Variants in AGFG1 observed in about 807,000 individuals in gnomAD.
AGFG1 encodes the protein arf-GAP domain and FG repeat-containing protein 1.
In AGFG1, 10 loss-of-function variants were observed where a neutral mutation model predicts 60.6. The ratio of observed to expected loss-of-function variants is 0.16; its 90% CI spans 0.10 to 0.28. The LOEUF (loss-of-function observed/expected upper bound fraction) is 0.28. AGFG1 is among the 10% of genes least tolerant of loss of function. The probability of loss-of-function intolerance (pLI) is 1.00; values close to 1 mark genes in which losing one functional copy is unlikely to be tolerated. For synonymous variants in AGFG1, 247 were observed against 242.9 expected (o/e 1.02, Z -0.16); for missense variants, 537 against 676.5 (o/e 0.79, Z 2.29).
chr2:227,525,039 C>G (rs1341160756), intron 5 of AGFG1, 124 bp downstream of exon 5: 5 of 1,071,972 alleles, frequency 4.7e-6, no homozygotes, highest in Non-Finnish European at 6.8e-6. Flanking sequence ...TCACTTGTAA[C>G]TGTTGAGCTG....
intron 3 of AGFG1, among the ~76,000 whole-genome samples, chr2:227,522,010 C>G (rs558431746): frequency 2.0e-5 from 3 of 152,246 alleles, no homozygotes; most frequent in Middle Eastern, 6.8e-3. Flanking sequence ...AGCTAGCAAG[C>G]AGTGAAATTG....
At chr2:227,530,319 A>G (rs1245124747) in intron 5 of AGFG1, among the ~76,000 whole-genome samples, 1 of 152,172 alleles carries the variant, frequency 6.6e-6, no homozygotes, top group Non-Finnish European at 1.5e-5. Flanking sequence ...GTGTTTTCCA[A>G]AGTTTCATTC....
At chr2:227,487,788 A>G (rs1316194430) in intron 1 of AGFG1, among the ~76,000 whole-genome samples, 1 of 152,022 alleles carries the variant, frequency 6.6e-6, no homozygotes, top group Non-Finnish European at 1.5e-5. Flanking sequence ...TTTCATTGCA[A>G]CTCATCACTC....
At chr2:227,493,247 G>A (rs1690870914) in intron 2 of AGFG1, among the ~76,000 whole-genome samples, 1 of 152,092 alleles carries the variant, frequency 6.6e-6, no homozygotes, top group Non-Finnish European at 1.5e-5. Flanking sequence ...ACATAGTGCT[G>A]TATAGCAGAT....
At chr2:227,507,902 A>G (rs1413648743) in intron 2 of AGFG1, among the ~76,000 whole-genome samples, 2 of 151,796 alleles carry the variant, frequency 1.3e-5, no homozygotes, top group Admixed American at 6.6e-5. Context: ...CTGATGCCCA[A>G]ATTTTCCCCT....
In AGFG1 at chr2:227,472,416, G is replaced by C; in HGVS notation, c.-6G>C. 5 of 1,479,812 alleles carry C rather than the reference G, an allele frequency of 3.4e-6. No homozygotes were observed. Among genetic ancestry groups the C allele is most frequent in the Non-Finnish European group, 4.5e-6 (5 of 1,109,808 alleles). 91.7% of individuals were successfully genotyped at this position (1,479,812 alleles called of 1,614,324 possible). A position where few individuals can be genotyped will look rare whatever the true frequency, so the allele number is the denominator to read the frequency against. On this transcript the variant is annotated 5_prime_UTR_variant, in exon 1 of 13. Coordinates refer to ENST00000310078, the MANE Select transcript of AGFG1 (RefSeq NM_004504.5). Reference sequence around the variant, plus strand: ...CCTGCCGGCCTCCTCCCTTGGCGCCGCGGCCATGGCGGCCAGCGCGAAGCG... The same window carrying C: ...CCTGCCGGCCTCCTCCCTTGGCGCCCCGGCCATGGCGGCCAGCGCGAAGCG...
intron 1 of AGFG1, among the ~76,000 whole-genome samples, chr2:227,473,598 G>GA (rs1349660825): frequency 1.3e-5 from 2 of 152,128 alleles, no homozygotes; most frequent in African/African-American, 2.4e-5. Flanking sequence ...ATTTCATTCG[G>GA]AAAATTTGCA....
chr2:227,530,500 A>C (rs1312153587), intron 5 of AGFG1, among the ~76,000 whole-genome samples: 1 of 152,112 alleles, frequency 6.6e-6, no homozygotes, highest in Non-Finnish European at 1.5e-5. Context: ...TTGTTTCTTA[A>C]ATTTTAATGA....
chr2:227,530,976 T>TA, intron 5 of AGFG1, 115 bp from the exon 6 acceptor site: 1 of 972,174 alleles, frequency 1.0e-6, no homozygotes, highest in Non-Finnish European at 1.4e-6. Flanking sequence ...GAATTCTCTA[T>TA]AAAGTGAGTT....
At chr2:227,497,761 T>TTTTTTG (rs546987888) in intron 2 of AGFG1, among the ~76,000 whole-genome samples, 790 of 65,064 alleles carry the variant, frequency 0.012, 37 homozygotes, top group Non-Finnish European at 0.019. Context: ...TTTTTTTTTT[T>TTTTTTG]GGGGACGGAG....
At chr2:227,543,056 TATTA>T (rs1277192734) in intron 10 of AGFG1, among the ~76,000 whole-genome samples, 3 of 152,180 alleles carry the variant, frequency 2.0e-5, no homozygotes, top group African/African-American at 7.2e-5. Flanking sequence ...TTTTCTTCTT[TATTA>T]GTCTTGCTAG....
At chr2:227,550,248 C>T (rs574014207) in intron 10 of AGFG1, 6 of 242,866 alleles carry the variant, frequency 2.5e-5, no homozygotes, top group Admixed American at 5.3e-5. Context: ...GGATGTGTGG[C>T]ATTGGGATTA....
chr2:227,545,446 T>C (rs1692615484), intron 10 of AGFG1, among the ~76,000 whole-genome samples: 1 of 152,248 alleles, frequency 6.6e-6, no homozygotes, highest in Middle Eastern at 3.2e-3. Context: ...ACCGATCTTC[T>C]CAAGCCTACT....
intron 2 of AGFG1, among the ~76,000 whole-genome samples, chr2:227,493,142 A>G (rs566664824): frequency 6.6e-6 from 1 of 152,246 alleles, no homozygotes; most frequent in African/African-American, 2.4e-5. Context: ...CAATACCAAG[A>G]TTGAAGGAGT....
At chr2:227,550,276 C>T (rs1461985533) in intron 10 of AGFG1, among the ~76,000 whole-genome samples, 3 of 152,158 alleles carry the variant, frequency 2.0e-5, no homozygotes, top group Non-Finnish European at 4.4e-5. Context: ...TTTAAAATTA[C>T]ATGGAAATGT....
chr2:227,497,719 GTTTC>G lies in AGFG1; in HGVS notation c.261+6086_261+6089del, dbSNP rs1212932246. ...TGCACAAGCATATATAGCCAAATGA[GTTTC>G]TTTCTTGTTTTGTTTTTTTTTTTTT... On this transcript the variant is annotated intron_variant, in intron 2 of 12. Transcript: ENST00000310078. Among the ~76,000 whole-genome samples the G allele has an allele frequency of 8.8e-3, 1,048 of 118,798 alleles. 14 individuals carry two copies. Among genetic ancestry groups the G allele is most frequent in the South Asian group, 0.02 (71 of 3,606 alleles). 77.9% of individuals were successfully genotyped at this position (118,798 alleles called of 152,430 possible). A position where few individuals can be genotyped will look rare whatever the true frequency, so the allele number is the denominator to read the frequency against.
rs907830655 is a variant in AGFG1, at chr2:227,558,770, A to G, written c.*4275A>G. 7 of 152,156 alleles carry G rather than the reference A, an allele frequency of 4.6e-5. No individual in the cohort carries two copies. The highest frequency in any genetic ancestry group is 1.4e-4 in the African/African-American group (6 of 41,422). 9.4% of individuals were successfully genotyped at this position (152,156 alleles called of 1,614,324 possible). Reference sequence around the variant, plus strand: ...AGGCCCTGTTTTGTAGCATTTACTAATATTTATGGTATAAATACTGTCTTC... The same window carrying G: ...AGGCCCTGTTTTGTAGCATTTACTAGTATTTATGGTATAAATACTGTCTTC... On this transcript the variant is annotated 3_prime_UTR_variant, in exon 13 of 13. Coordinates refer to ENST00000310078, the MANE Select transcript of AGFG1 (RefSeq NM_004504.5).
intron 1 of AGFG1, among the ~76,000 whole-genome samples, chr2:227,475,645 T>C (rs1186941259): frequency 6.6e-6 from 1 of 152,216 alleles, no homozygotes; most frequent in African/African-American, 2.4e-5. Flanking sequence ...ATTTTGACAA[T>C]GCTACTAGCT....
At chr2:227,539,106 C>T (rs1692402888) in intron 10 of AGFG1, among the ~76,000 whole-genome samples, 1 of 152,030 alleles carries the variant, frequency 6.6e-6, no homozygotes, top group Admixed American at 6.6e-5. Context: ...TGTTTTATAC[C>T]ATCAAAGTTA....
Sources: allele counts gnomAD v4.1 joint callset (sites outside exome capture counted in the v4.1 genomes callset), GRCh38; gene constraint gnomAD v4.1.1; transcripts MANE v1.5; gene names NCBI Gene and HGNC (gene_info 2026-07-23, HGNC 2026-07-21).